Variants in NCALD observed in about 807,000 individuals in gnomAD.
NCALD encodes the protein neurocalcin delta, also known as neurocalcin-delta.
In NCALD, 10 loss-of-function variants were observed where a neutral mutation model predicts 18.6. That is an observed-to-expected ratio of 0.54 (90% CI 0.33 to 0.91). The LOEUF (loss-of-function observed/expected upper bound fraction) is 0.91. Among genes scored for constraint, NCALD ranks in the 40% least tolerant of loss-of-function variants. The pLI, the probability that NCALD is intolerant of heterozygous loss-of-function variation, is 0.03. For missense variants in NCALD, 184 were observed against 247.6 expected (o/e 0.74, Z 1.72); for synonymous variants, 88 against 87.4 (o/e 1.01, Z -0.04).
Position 101,690,584 on chromosome 8 carries a change from G to C in NCALD, c.485-1178C>G, listed in dbSNP as rs1304385847. ...TGACAGGAGGGGGCCTCCCCCAACA[G>C]AAACACCAACAAACATATCTTCTCC... On this transcript the variant is annotated intron_variant, in intron 3 of 3. Transcript: ENST00000220931. 3.0e-6 allele frequency: 3 copies of C among 985,258 alleles called. No individual in the cohort carries two copies. In the East Asian group the frequency reaches 3.4e-4, roughly 112 times the overall value. 61.0% of individuals were successfully genotyped at this position (985,258 alleles called of 1,614,324 possible).
intron 1 of NCALD, among the ~76,000 whole-genome samples, chr8:102,051,317 C>G (rs1823450375): frequency 6.6e-6 from 1 of 152,072 alleles, no homozygotes; most frequent in Non-Finnish European, 1.5e-5. Flanking sequence ...TAACTCCTGC[C>G]TAGAGTGCCA....
intron 1 of NCALD, among the ~76,000 whole-genome samples, chr8:102,110,181 G>T (rs756511527): frequency 1.1e-4 from 17 of 152,058 alleles, no homozygotes; most frequent in Non-Finnish European, 2.2e-4. Flanking sequence ...GTCCTGAATT[G>T]TTTCTCTTGT....
At chr8:102,037,507 CATA>C (rs1379136833) in intron 1 of NCALD, among the ~76,000 whole-genome samples, 15 of 152,184 alleles carry the variant, frequency 9.9e-5, no homozygotes, top group African/African-American at 3.6e-4. Context: ...TGTAGATAGA[CATA>C]ATACACATAT....
At chr8:101,690,041 CCT>C (rs1814649241) in intron 3 of NCALD, among the ~76,000 whole-genome samples, 2 of 152,140 alleles carry the variant, frequency 1.3e-5, no homozygotes, top group Admixed American at 1.3e-4. Context: ...TGGGTTTCTG[CCT>C]CTCAGTTAGG....
intron 2 of NCALD, among the ~76,000 whole-genome samples, chr8:101,930,045 A>T (rs986035475): frequency 3.3e-5 from 5 of 152,098 alleles, no homozygotes; most frequent in Non-Finnish European, 7.4e-5. Context: ...ACAGAGTGAG[A>T]CTCCATCTCA....
chr8:102,096,250 C>T (rs1470024786), intron 1 of NCALD, among the ~76,000 whole-genome samples: 2 of 152,220 alleles, frequency 1.3e-5, no homozygotes, highest in African/African-American at 2.4e-5. Flanking sequence ...TTGGTTTCTT[C>T]TAAGGCCTCT....
intron 3 of NCALD, among the ~76,000 whole-genome samples, chr8:101,887,672 G>T (rs1816723540): frequency 6.6e-6 from 1 of 150,602 alleles, no homozygotes; most frequent in African/African-American, 2.4e-5. Context: ...TTATTTAAAA[G>T]AATAATATGT....
chr8:102,107,715 T>A (rs1825519125), intron 1 of NCALD, among the ~76,000 whole-genome samples: 1 of 152,206 alleles, frequency 6.6e-6, no homozygotes, highest in Non-Finnish European at 1.5e-5. Flanking sequence ...TATTCTCCTC[T>A]AACAGCAACA....
chr8:101,730,319 A>C (rs1011117388), intron 1 of NCALD, among the ~76,000 whole-genome samples: 1 of 151,892 alleles, frequency 6.6e-6, no homozygotes, highest in Non-Finnish European at 1.5e-5. Context: ...GTCTCTACTA[A>C]AAATACAAAA....
intron 4 of NCALD, among the ~76,000 whole-genome samples, chr8:101,852,158 A>T (rs1815121214): frequency 6.6e-6 from 1 of 152,194 alleles, no homozygotes; most frequent in African/African-American, 2.4e-5. Flanking sequence ...GGATTTTGTT[A>T]CGGCAGCCTG....
intron 2 of NCALD, among the ~76,000 whole-genome samples, chr8:101,955,708 G>T (rs1435679269): frequency 1.3e-5 from 2 of 152,116 alleles, no homozygotes; most frequent in Non-Finnish European, 2.9e-5. Context: ...GGGAGAAATG[G>T]CTAAACACAG....
chr8:101,918,740 CCACACACA>C (rs34480976), intron 2 of NCALD, among the ~76,000 whole-genome samples: 10 of 140,654 alleles, frequency 7.1e-5, no homozygotes, highest in South Asian at 2.4e-4. Flanking sequence ...TTTACAATAG[CCACACACA>C]CACACACACA....
chr8:101,972,104 AG>A (rs1820262777), intron 2 of NCALD, among the ~76,000 whole-genome samples: 1 of 152,210 alleles, frequency 6.6e-6, no homozygotes, highest in Admixed American at 6.5e-5. Context: ...GATGTTGATG[AG>A]GATGAAAACT....
intron 2 of NCALD, among the ~76,000 whole-genome samples, chr8:101,945,829 T>G (rs1195974308): frequency 6.6e-6 from 1 of 152,212 alleles, no homozygotes; most frequent in African/African-American, 2.4e-5. Flanking sequence ...TTTTAGTGTT[T>G]GAAGAGTTGG....
chr8:102,029,778 C>T (rs182183473), intron 1 of NCALD, among the ~76,000 whole-genome samples: 11 of 152,212 alleles, frequency 7.2e-5, no homozygotes, highest in Admixed American at 5.2e-4. Flanking sequence ...GCGGTCAGGA[C>T]GAGAAATTAC....
intron 2 of NCALD, among the ~76,000 whole-genome samples, chr8:101,964,769 C>G (rs372676019): frequency 2.0e-5 from 3 of 152,074 alleles, no homozygotes; most frequent in African/African-American, 7.2e-5. Context: ...GTCAAGGATT[C>G]GCCTAATTTT....
intron 1 of NCALD, among the ~76,000 whole-genome samples, chr8:102,079,174 A>C (rs1824444971): frequency 6.6e-6 from 1 of 152,192 alleles, no homozygotes; most frequent in African/African-American, 2.4e-5. Flanking sequence ...CCTTTCCATG[A>C]AACCCCCTTT....
intron 3 of NCALD, among the ~76,000 whole-genome samples, chr8:101,887,634 T>C (rs1271611965): frequency 6.7e-6 from 1 of 149,862 alleles, no homozygotes; most frequent in Non-Finnish European, 1.5e-5. Context: ...TACATATATA[T>C]TAAATACATT....
intron 1 of NCALD, among the ~76,000 whole-genome samples, chr8:102,030,957 TAA>T (rs35761403): frequency 3.2e-4 from 47 of 147,152 alleles, no homozygotes; most frequent in East Asian, 7.9e-4. Context: ...TGATAAATGA[TAA>T]AAAAAAAAAG....
Sources: allele counts gnomAD v4.1 joint callset (sites outside exome capture counted in the v4.1 genomes callset), GRCh38; gene constraint gnomAD v4.1.1; transcripts MANE v1.5; gene names NCBI Gene and HGNC (gene_info 2026-07-23, HGNC 2026-07-21).